Variants in SPTLC2 observed in about 807,000 individuals in gnomAD.
SPTLC2 encodes serine palmitoyltransferase 2.
Under a neutral mutation model 62.0 loss-of-function variants are expected in SPTLC2, and 21 were observed. The ratio of observed to expected loss-of-function variants is 0.34; its 90% CI spans 0.24 to 0.49. The LOEUF is 0.49. Ranked by LOEUF, SPTLC2 falls within the 20% of genes least tolerant of loss-of-function variation. SPTLC2 has a pLI of 0.99. For synonymous variants in SPTLC2, 261 were observed against 261.8 expected, an observed-to-expected ratio of 1.00 and a Z score of 0.03; for missense variants, 511 against 713.0, an observed-to-expected ratio of 0.72 and a Z score of 3.23.
At chr14:77,552,666 C>T (rs1308553178) in intron 8 of SPTLC2, among the ~76,000 whole-genome samples, 1 of 151,848 alleles carries the variant, frequency 6.6e-6, no homozygotes, top group East Asian at 1.9e-4. Flanking sequence ...ATCAGCTGTG[C>T]GTGGAGGCGG....
chr14:77,603,770 T>G (rs1356107577), intron 1 of SPTLC2, among the ~76,000 whole-genome samples: 1 of 152,210 alleles, frequency 6.6e-6, no homozygotes, highest in Non-Finnish European at 1.5e-5. Context: ...CCATTTCAGT[T>G]CAGTGGCATC....
intron 2 of SPTLC2, 32 bp from the exon 3 acceptor site, chr14:77,579,141 A>C: frequency 6.2e-7 from 1 of 1,612,204 alleles, no homozygotes; most frequent in Non-Finnish European, 8.5e-7. Flanking sequence ...CCATAAATTT[A>C]ACTGAGTTAC....
chr14:77,544,011 AT>A (rs1165886905), intron 9 of SPTLC2, among the ~76,000 whole-genome samples: 1 of 151,994 alleles, frequency 6.6e-6, no homozygotes, highest in Non-Finnish European at 1.5e-5. Flanking sequence ...AAAAAAGAGG[AT>A]TGTCAAAAAG....
At position 77,555,500 on chromosome 14, in the gene SPTLC2, G is replaced by A. The variant is rs1223900250; in HGVS notation, c.976C>T (p.Arg326Cys). Residue 326 changes from arginine (R) to cysteine (C), a missense_variant, in exon 8 of 12, where the codon CGT becomes TGT. Arg to Cys is a radical substitution (Grantham distance 180). Coordinates refer to ENST00000216484, the MANE Select transcript of SPTLC2 (RefSeq NM_004863.4). ...TTGAGGGCAATCACTTCAGGAAGAC[G>A]AACAATAGATCCCTCCATGCTGGCA... ...GIYSMEGSIV[R>C]LPEVIALKKK... 3.1e-6 allele frequency: 5 copies of A among 1,614,032 alleles called. No individual in the cohort carries two copies. The highest frequency in any genetic ancestry group is 1.7e-5 in the Admixed American group (1 of 59,988).
At chr14:77,529,608 A>ATTTCTTTC (rs750719614) in intron 9 of SPTLC2, among the ~76,000 whole-genome samples, 36 of 121,208 alleles carry the variant, frequency 3.0e-4, no homozygotes, top group Middle Eastern at 4.2e-3. Context: ...TAGGAAAGCA[A>ATTTCTTTC]TTTCTTTCTT....
intron 5 of SPTLC2, among the ~76,000 whole-genome samples, chr14:77,569,854 G>A (rs59845370): frequency 0.34 from 21,015 of 61,836 alleles, 5,443 homozygotes; most frequent in East Asian, 0.87. Context: ...TTATATATAT[G>A]TATATAAATA....
chr14:77,591,880 C>T (rs905269432), intron 2 of SPTLC2, among the ~76,000 whole-genome samples: 4 of 152,064 alleles, frequency 2.6e-5, no homozygotes, highest in African/African-American at 4.8e-5. Context: ...TGTGCCACCA[C>T]GCCCCAGATA....
chr14:77,527,100 T>C (rs1333718383), intron 9 of SPTLC2, among the ~76,000 whole-genome samples: 1 of 150,910 alleles, frequency 6.6e-6, no homozygotes, highest in East Asian at 1.9e-4. Context: ...GGCCTCTTTT[T>C]TTTTTTTTTT....
At chr14:77,588,313 T>C (rs1026241609) in intron 2 of SPTLC2, among the ~76,000 whole-genome samples, 2 of 152,172 alleles carry the variant, frequency 1.3e-5, no homozygotes, top group Admixed American at 6.6e-5. Flanking sequence ...ATGACAAAGT[T>C]GTTTCAAAAC....
At chr14:77,559,364 T>C (rs1483375043) in intron 6 of SPTLC2, among the ~76,000 whole-genome samples, 1 of 151,954 alleles carries the variant, frequency 6.6e-6, no homozygotes, top group Non-Finnish European at 1.5e-5. Context: ...CCATATTATC[T>C]ACTTAGAAAA....
chr14:77,522,585 T>C (rs1566767923), intron 9 of SPTLC2, among the ~76,000 whole-genome samples: 1 of 152,356 alleles, frequency 6.6e-6, no homozygotes, highest in Middle Eastern at 3.4e-3. Flanking sequence ...CGTTTCTGTC[T>C]GCAATTGCCA....
At chr14:77,585,579 T>G (rs1178807865) in intron 2 of SPTLC2, among the ~76,000 whole-genome samples, 1 of 152,156 alleles carries the variant, frequency 6.6e-6, no homozygotes. Flanking sequence ...AAAACATGCT[T>G]AGAACTGTCT....
chr14:77,559,519 G>A (rs1488878850), intron 6 of SPTLC2, among the ~76,000 whole-genome samples: 8 of 152,234 alleles, frequency 5.3e-5, no homozygotes, highest in South Asian at 2.1e-4. Context: ...TCCGAAAGTC[G>A]TAAAACAGTA....
chr14:77,591,915 G>A (rs1033612894), intron 2 of SPTLC2, among the ~76,000 whole-genome samples: 3 of 152,042 alleles, frequency 2.0e-5, no homozygotes, highest in African/African-American at 7.2e-5. Flanking sequence ...AGTAGAGACC[G>A]GGTTTCACCA....
chr14:77,586,992 G>A (rs1158773268), intron 2 of SPTLC2, among the ~76,000 whole-genome samples: 2 of 152,158 alleles, frequency 1.3e-5, no homozygotes, highest in South Asian at 2.1e-4. Context: ...TTGGGAGGCC[G>A]AGGCAGGCAG....
At chr14:77,568,999 A>G (rs1005967400) in intron 5 of SPTLC2, among the ~76,000 whole-genome samples, 3 of 152,202 alleles carry the variant, frequency 2.0e-5, no homozygotes, top group Non-Finnish European at 2.9e-5. Flanking sequence ...AGTAGGATAT[A>G]AATAACTCCC....
At chr14:77,542,000 T>C (rs1361689762) in intron 9 of SPTLC2, among the ~76,000 whole-genome samples, 2 of 149,084 alleles carry the variant, frequency 1.3e-5, no homozygotes, top group Admixed American at 6.8e-5. Flanking sequence ...GAGGTTGCAG[T>C]GAGCCAAGAT....
chr14:77,589,150 T>G (rs2079800792), intron 2 of SPTLC2, among the ~76,000 whole-genome samples: 2 of 152,104 alleles, frequency 1.3e-5, no homozygotes, highest in Admixed American at 1.3e-4. Flanking sequence ...AAATACTCAA[T>G]GAAAGGTTTT....
chr14:77,516,662 G>A (rs889532405), intron 11 of SPTLC2, among the ~76,000 whole-genome samples: 2 of 152,096 alleles, frequency 1.3e-5, no homozygotes, highest in African/African-American at 4.8e-5. Flanking sequence ...ATATCAAAAA[G>A]TTGAATCTAA....
Sources: gnomAD v4.1 joint callset for allele counts (sites outside exome capture counted in the v4.1 genomes callset) on GRCh38, gnomAD v4.1.1 for gene constraint, MANE v1.5 for transcripts, NCBI Gene and HGNC (gene_info 2026-07-23, HGNC 2026-07-21) for gene names.